Variants in ZNF131 observed in about 807,000 individuals in gnomAD.
ZNF131 encodes the protein zinc finger protein 131.
Under a neutral mutation model 60.0 loss-of-function variants are expected in ZNF131, and 7 were observed. The observed-to-expected ratio is 0.12, with a 90% CI of 0.07 to 0.22. The LOEUF is 0.22. Ranked by LOEUF, ZNF131 falls within the 10% of genes least tolerant of loss-of-function variation. ZNF131 has a pLI of 1.00. For missense variants in ZNF131, 493 were observed against 740.9 expected, an observed-to-expected ratio of 0.67 and a Z score of 3.88; for synonymous variants, 257 against 253.2, an observed-to-expected ratio of 1.01 and a Z score of -0.14.
chr5:43,158,660 C>T (rs1173467377), intron 4 of ZNF131, among the ~76,000 whole-genome samples: 5 of 152,194 alleles, frequency 3.3e-5, no homozygotes, highest in Non-Finnish European at 7.3e-5. Context: ...ATATTAGGGG[C>T]CAAGACTTCA....
chr5:43,162,969 C>CTTTTTTTTT lies in ZNF131; in HGVS notation c.1054+1048_1054+1056dup, dbSNP rs1205635519. Among the ~76,000 whole-genome samples, 59 of 64,910 alleles carry CTTTTTTTTT rather than the reference C, an allele frequency of 9.1e-4. 7 individuals are homozygous for CTTTTTTTTT. The highest frequency in any genetic ancestry group is 1.8e-3 in the African/African-American group (35 of 19,762). The allele number at this position is 64,910 out of a possible 152,430, so 42.6% of individuals were successfully genotyped here. A position where few individuals can be genotyped will look rare whatever the true frequency, so the allele number is the denominator to read the frequency against. On this transcript the variant is annotated intron_variant, in intron 5 of 6. Transcript: ENST00000682664. ...TTTATACTTCTTTTCTTTTATTTGC[C>CTTTTTTTTT]TTTTTTTTTTTTTTTTTTGGCAGAT...
chr5:43,173,085 ATTATAT>A (rs1230312317), intron 5 of ZNF131: 5 of 318,850 alleles, frequency 1.6e-5, no homozygotes, highest in East Asian at 1.1e-4. Flanking sequence ...TTAGATGCAA[ATTATAT>A]TTATCTTTGT....
intron 6 of ZNF131, among the ~76,000 whole-genome samples, chr5:43,174,174 G>A (rs1433824057): frequency 6.6e-6 from 1 of 152,218 alleles, no homozygotes; most frequent in South Asian, 2.1e-4. Flanking sequence ...GTTGCAGTGA[G>A]CCGAGATCGC....
At chr5:43,143,936 T>TTTTTTTTTTTTTTTTTTTTC (rs1561411672) in intron 4 of ZNF131, among the ~76,000 whole-genome samples, 1 of 109,412 alleles carries the variant, frequency 9.1e-6, no homozygotes, top group African/African-American at 3.6e-5. Flanking sequence ...TTTTTTTTTT[T>TTTTTTTTTTTTTTTTTTTTC]CCTTGAGACG....
At chr5:43,122,307 A>T (rs544880548) in intron 2 of ZNF131, 130 bp downstream of exon 2, 112 of 1,139,574 alleles carry the variant, frequency 9.8e-5, no homozygotes, top group Admixed American at 7.8e-4. Flanking sequence ...AAGTCTGCAG[A>T]GTGTGTGCAC....
At chr5:43,125,654 C>T (rs1474255256) in intron 3 of ZNF131, among the ~76,000 whole-genome samples, 1 of 151,774 alleles carries the variant, frequency 6.6e-6, no homozygotes, top group Non-Finnish European at 1.5e-5. Flanking sequence ...GTGGTGGGCA[C>T]CTGTAATCCC....
intron 3 of ZNF131, among the ~76,000 whole-genome samples, chr5:43,133,605 C>T (rs1561396107): frequency 6.6e-6 from 1 of 152,170 alleles, no homozygotes; most frequent in African/African-American, 2.4e-5. Flanking sequence ...AGTTTACAGT[C>T]AAGAGATGTC....
intron 4 of ZNF131, among the ~76,000 whole-genome samples, chr5:43,149,777 A>G (rs2111710036): frequency 6.6e-6 from 1 of 151,320 alleles, no homozygotes; most frequent in South Asian, 2.1e-4. Context: ...TCTAATGACT[A>G]ATGGTGTTGG....
At chr5:43,143,458 A>G in intron 4 of ZNF131, 2 of 1,366,978 alleles carry the variant, frequency 1.5e-6, no homozygotes, top group Non-Finnish European at 9.8e-7. Context: ...CTTCAACTAC[A>G]CGCTGTATTT....
At chr5:43,171,869 C>T (rs1331447279) in intron 5 of ZNF131, among the ~76,000 whole-genome samples, 1 of 152,144 alleles carries the variant, frequency 6.6e-6, no homozygotes, top group Admixed American at 6.5e-5. Flanking sequence ...ATCCACCCAC[C>T]TCGGCCTCCC....
At chr5:43,135,227 T>A (rs1201662277) in intron 3 of ZNF131, among the ~76,000 whole-genome samples, 2 of 149,882 alleles carry the variant, frequency 1.3e-5, no homozygotes, top group African/African-American at 4.9e-5. Flanking sequence ...ACTCCTGACC[T>A]CAGGTGATCC....
chr5:43,171,546 G>A (rs759244697), intron 5 of ZNF131, among the ~76,000 whole-genome samples: 19 of 152,160 alleles, frequency 1.2e-4, no homozygotes, highest in Non-Finnish European at 2.1e-4. Flanking sequence ...CAACAAGAGC[G>A]AAACTCCGTC....
At chr5:43,144,237 CTTTTTTTT>C (rs935655531) in intron 4 of ZNF131, among the ~76,000 whole-genome samples, 58 of 65,316 alleles carry the variant, frequency 8.9e-4, no homozygotes, top group African/African-American at 2.6e-3. Context: ...TTCTTTCTTT[CTTTTTTTT>C]TTTTTTTTTT....
chr5:43,139,100 T>C lies in ZNF131; in HGVS notation c.227-65T>C, dbSNP rs1746489380. 3 of 1,311,738 alleles carry C rather than the reference T, an allele frequency of 2.3e-6. No individual in the cohort carries two copies. In the South Asian group the frequency reaches 7.1e-5, roughly 31 times the overall value. 81.3% of individuals were successfully genotyped at this position (1,311,738 alleles called of 1,614,324 possible). A position where few individuals can be genotyped will look rare whatever the true frequency, so the allele number is the denominator to read the frequency against. On this transcript the variant is annotated intron_variant, in intron 3 of 6. Coordinates refer to ENST00000682664, the MANE Select transcript of ZNF131 (RefSeq NM_001330707.2). ...GCTCCAAGCCCTGGGCTTTTCTTTC[T>C]TTACTAAACATTGTAAGATTTGAGT...
At chr5:43,166,386 A>G (rs965360432) in intron 5 of ZNF131, among the ~76,000 whole-genome samples, 1 of 150,826 alleles carries the variant, frequency 6.6e-6, no homozygotes, top group African/African-American at 2.4e-5. Flanking sequence ...TTGGAGACAG[A>G]GTCTTGCTCT....
intron 4 of ZNF131, among the ~76,000 whole-genome samples, chr5:43,144,971 T>C (rs1179857985): frequency 1.3e-5 from 2 of 151,970 alleles, no homozygotes; most frequent in Non-Finnish European, 2.9e-5. Flanking sequence ...GGCACTTCTA[T>C]TATTCTGTAT....
rs1751562285 is a variant in ZNF131 at position 43,176,279 on chromosome 5, T to C, written c.*1146T>C. ...TATGCTATTTTTTTTACCTGTTAAATATTGGGAGTTCTTTACATTTTTTAA... is the reference window on the plus strand; with the variant it reads ...TATGCTATTTTTTTTACCTGTTAAACATTGGGAGTTCTTTACATTTTTTAA... On this transcript the variant is annotated 3_prime_UTR_variant, in exon 7 of 7. Coordinates refer to ENST00000682664, the MANE Select transcript of ZNF131 (RefSeq NM_001330707.2). 6.6e-6 allele frequency: 1 copy of C among 152,196 alleles called. No homozygotes were observed. Among genetic ancestry groups the C allele is most frequent in the African/African-American group, 2.4e-5 (1 of 41,438 alleles). The allele number at this position is 152,196 out of a possible 1,614,324, so 9.4% of individuals were successfully genotyped here.
At position 43,167,260 on chromosome 5, in the gene ZNF131, A is replaced by G. The variant is rs1276635087; in HGVS notation, c.1054+5329A>G. 2.0e-5 allele frequency among the ~76,000 whole-genome samples: 3 copies of G among 152,368 alleles called. No individual in the cohort carries two copies. In the East Asian group the frequency reaches 5.8e-4, roughly 29 times the overall value. ...TTAAATTTGAAATATTGCAGTAATTACAGTGACAGACGTGAGGTGAGTACA... is the reference window on the plus strand; with the variant it reads ...TTAAATTTGAAATATTGCAGTAATTGCAGTGACAGACGTGAGGTGAGTACA... On this transcript the variant is annotated intron_variant, in intron 5 of 6. Coordinates refer to ENST00000682664, the MANE Select transcript of ZNF131 (RefSeq NM_001330707.2).
At chr5:43,168,581 A>G (rs551772539) in intron 5 of ZNF131, among the ~76,000 whole-genome samples, 1 of 152,290 alleles carries the variant, frequency 6.6e-6, no homozygotes, top group East Asian at 1.9e-4. Context: ...TCATGTAGTT[A>G]TTTTCATAAA....
Sources: gnomAD v4.1 joint callset for allele counts (sites outside exome capture counted in the v4.1 genomes callset) on GRCh38, gnomAD v4.1.1 for gene constraint, MANE v1.5 for transcripts, NCBI Gene and HGNC (gene_info 2026-07-23, HGNC 2026-07-21) for gene names.